Variants in FAM78B observed in about 807,000 individuals in gnomAD.
The protein encoded by FAM78B is protein FAM78B.
Under a neutral mutation model 20.0 loss-of-function variants are expected in FAM78B, and 10 were observed. That is an observed-to-expected ratio of 0.50 (90% CI 0.31 to 0.85). The LOEUF (loss-of-function observed/expected upper bound fraction) is 0.85, where lower values mean the gene tolerates loss of function less well. Among genes scored for constraint, FAM78B ranks in the 40% least tolerant of loss-of-function variants. The probability of loss-of-function intolerance (pLI) is 0.05; values close to 1 mark genes in which losing one functional copy is unlikely to be tolerated. For missense variants in FAM78B, 283 were observed against 345.0 expected (o/e 0.82, Z 1.42); for synonymous variants, 135 against 132.8 (o/e 1.02, Z -0.12).
At chr1:166,069,104 G>A (rs1192113911), downstream of FAM78B, among the ~76,000 whole-genome samples, 1 of 152,140 alleles carries the variant, frequency 6.6e-6, no homozygotes, top group African/African-American at 2.4e-5. Flanking sequence ...GTGAAATAGA[G>A]CTAAAATAAA....
chr1:166,088,723 A>T (rs923084112), intron 1 of FAM78B, among the ~76,000 whole-genome samples: 8 of 152,080 alleles, frequency 5.3e-5, no homozygotes, highest in African/African-American at 1.7e-4. Context: ...TGACTTCTGG[A>T]GGGATGTAGG....
chr1:166,130,796 CCCTGACTCCCAGA>C (rs1188502421), intron 1 of FAM78B, among the ~76,000 whole-genome samples: 1 of 152,132 alleles, frequency 6.6e-6, no homozygotes, highest in African/African-American at 2.4e-5. Flanking sequence ...AGCCCCGGTT[CCCTGACTCCCAGA>C]CCTGTGCTCT....
chr1:166,060,912 T>G (rs980512699), intron 2 of FAM78B, among the ~76,000 whole-genome samples: 2 of 152,190 alleles, frequency 1.3e-5, no homozygotes, highest in Admixed American at 6.5e-5. Flanking sequence ...GGTTTACAGG[T>G]CATTTATATG....
intron 1 of FAM78B, among the ~76,000 whole-genome samples, chr1:166,119,146 C>T (rs1173250285): frequency 1.3e-5 from 2 of 152,110 alleles, no homozygotes; most frequent in Non-Finnish European, 2.9e-5. Context: ...ATTTGGCTCC[C>T]CAAGTCTCTC....
intron 2 of FAM78B, among the ~76,000 whole-genome samples, chr1:166,063,611 G>C (rs982991452): frequency 1.3e-5 from 2 of 152,132 alleles, no homozygotes; most frequent in African/African-American, 4.8e-5. Flanking sequence ...GGCTCACCCA[G>C]TCCCAGGACT....
chr1:166,160,417 G>A (rs557323866), intron 1 of FAM78B, among the ~76,000 whole-genome samples: 45 of 152,366 alleles, frequency 3.0e-4, no homozygotes, highest in African/African-American at 1.1e-3. Flanking sequence ...GGTGATACGA[G>A]AGCAAGGCTT....
intron 1 of FAM78B, among the ~76,000 whole-genome samples, chr1:166,126,408 G>A (rs1201571336): frequency 1.3e-5 from 2 of 152,220 alleles, no homozygotes; most frequent in Non-Finnish European, 2.9e-5. Context: ...GGTAAACCAT[G>A]TAGTAGGTTA....
intron 1 of FAM78B, among the ~76,000 whole-genome samples, chr1:166,164,162 G>A (rs1656266180): frequency 6.6e-6 from 1 of 152,236 alleles, no homozygotes; most frequent in African/African-American, 2.4e-5. Flanking sequence ...TGAGGCAACA[G>A]AGAGTTCCGC....
At chr1:166,087,781 C>T (rs537733934) in intron 1 of FAM78B, among the ~76,000 whole-genome samples, 2 of 152,244 alleles carry the variant, frequency 1.3e-5, no homozygotes, top group East Asian at 1.9e-4. Context: ...ATTCTTTTAA[C>T]GTGTGATGTT....
Position 166,069,435 on chromosome 1 carries a change from T to C in FAM78B, c.*806A>G, listed in dbSNP as rs967666775. On this transcript the variant is annotated 3_prime_UTR_variant, in exon 2 of 2. Transcript: ENST00000354422. ...CAGCTGTAAACAAAATCAAGTTAGT[T>C]AGGATTTCACTAAAACATGGACAGG... is the stretch of plus-strand genomic sequence containing the variant. The C allele has an allele frequency of 2.6e-5, 4 of 152,208 alleles. No homozygotes were observed. Among genetic ancestry groups the C allele is most frequent in the African/African-American group, 9.7e-5 (4 of 41,442 alleles). 9.4% of individuals were successfully genotyped at this position (152,208 alleles called of 1,614,324 possible). A position where few individuals can be genotyped will look rare whatever the true frequency, so the allele number is the denominator to read the frequency against.
chr1:166,060,722 A>C, intron 2 of FAM78B: 1 of 1,065,118 alleles, frequency 9.4e-7, no homozygotes, highest in Non-Finnish European at 1.3e-6. Flanking sequence ...GATCAAAGAA[A>C]TGTCATTCCC....
At chr1:166,129,486 C>T (rs1180698780) in intron 1 of FAM78B, among the ~76,000 whole-genome samples, 1 of 152,186 alleles carries the variant, frequency 6.6e-6, no homozygotes, top group Non-Finnish European at 1.5e-5. Flanking sequence ...CACTCATGTG[C>T]CTTTTCTCCC....
Position 166,070,461 on chromosome 1 carries a change from A to G in FAM78B, c.566T>C (p.Ile189Thr). ...AATGTCCACCCTCATCCTCCACTTG[A>G]TGGTCTGCAGAATGATCTTCTCCTT... The part of the protein sequence containing the change: ...TTKEKIILQT[I>T]KWRMRVDIEV... The change falls in exon 2 of 2, where the codon ATC becomes ACC. Residue 189 changes from isoleucine (I) to threonine (T), a missense_variant. Ile to Thr is a moderately conservative substitution (Grantham distance 89). Coordinates refer to ENST00000354422, the MANE Select transcript of FAM78B (RefSeq NM_001017961.5). 3 of 1,614,180 alleles carry G rather than the reference A, an allele frequency of 1.9e-6. No homozygotes were observed. The highest frequency in any genetic ancestry group is 2.5e-6 in the Non-Finnish European group (3 of 1,180,030).
At position 166,120,976 on chromosome 1, in the gene FAM78B, G is replaced by A. The variant is rs143378341; in HGVS notation, c.263+45010C>T. On this transcript the variant is annotated intron_variant, in intron 1 of 1. Transcript: ENST00000354422. ...TACAGTAACACTATCACTTCTGGAT[G>A]TTGTCACCAGAGCTTCAACTCAGAG... Among the ~76,000 whole-genome samples the A allele has an allele frequency of 1.9e-3, 295 of 152,316 alleles. 1 individual carries two copies. Among genetic ancestry groups the A allele is most frequent in the African/African-American group, 6.6e-3 (276 of 41,558 alleles).
intron 1 of FAM78B, 75 bp downstream of exon 1, chr1:166,165,911 G>C (rs1656356046): frequency 1.3e-6 from 2 of 1,565,068 alleles, no homozygotes; most frequent in African/African-American, 2.7e-5. Context: ...GGAAGGAGCT[G>C]GGGAGGGGGG....
rs771421402 is a variant in FAM78B, at chr1:166,084,237, A to ACACACACACTCT, written c.264-13475_264-13474insAGAGTGTGTGTG. Among the ~76,000 whole-genome samples, 668 of 125,424 alleles carry ACACACACACTCT rather than the reference A, an allele frequency of 5.3e-3. 10 individuals carry two copies. Among genetic ancestry groups the ACACACACACTCT allele is most frequent in the African/African-American group, 0.018 (601 of 34,158 alleles). The allele number at this position is 125,424 out of a possible 152,430, so 82.3% of individuals were successfully genotyped here. On this transcript the variant is annotated intron_variant, in intron 1 of 1. Coordinates refer to ENST00000354422, the MANE Select transcript of FAM78B (RefSeq NM_001017961.5). ...CACACACACACACACACACACACACACTCTCTCTCTCTCTCTCTCTCTCTC... is the reference window on the plus strand; with the variant it reads ...CACACACACACACACACACACACACACACACACACTCTCTCTCTCTCTCTCTCTCTCTCTCTC...
At chr1:166,060,920 A>G (rs928618563) in intron 2 of FAM78B, among the ~76,000 whole-genome samples, 5 of 152,250 alleles carry the variant, frequency 3.3e-5, no homozygotes, top group African/African-American at 1.2e-4. Flanking sequence ...GGTCATTTAT[A>G]TGTGTAACCC....
At position 166,069,660 on chromosome 1, in the gene FAM78B, C is replaced by G. The variant is rs1464731571; in HGVS notation, c.*581G>C. ...GAAAGGAGCAAATATCAGTATTTGTCTAGTTTTCTAAGCATTCATTCCATT... is the reference window on the plus strand; with the variant it reads ...GAAAGGAGCAAATATCAGTATTTGTGTAGTTTTCTAAGCATTCATTCCATT... On this transcript the variant is annotated 3_prime_UTR_variant, in exon 2 of 2. Transcript: ENST00000354422. The G allele has an allele frequency of 7.2e-5, 11 of 152,236 alleles. No individual in the cohort carries two copies. Among genetic ancestry groups the G allele is most frequent in the Admixed American group, 6.5e-4 (10 of 15,292 alleles). The allele number at this position is 152,236 out of a possible 1,614,324, so 9.4% of individuals were successfully genotyped here. A position where few individuals can be genotyped will look rare whatever the true frequency, so the allele number is the denominator to read the frequency against.
At chr1:166,107,435 T>C (rs1373053185) in intron 1 of FAM78B, among the ~76,000 whole-genome samples, 1 of 151,862 alleles carries the variant, frequency 6.6e-6, no homozygotes, top group Non-Finnish European at 1.5e-5. Context: ...AACACAACCC[T>C]CCTAGCTTAA....
Sources: allele counts gnomAD v4.1 joint callset (sites outside exome capture counted in the v4.1 genomes callset), GRCh38; gene constraint gnomAD v4.1.1; transcripts MANE v1.5; gene names NCBI Gene and HGNC (gene_info 2026-07-23, HGNC 2026-07-21).